The following PTPN4 variants were observed in gnomAD, a reference collection of about 807,000 sequenced individuals.
The protein encoded by PTPN4 is tyrosine-protein phosphatase non-receptor type 4.
A neutral mutation model predicts 135.5 loss-of-function variants in PTPN4; 49 were observed. That is an observed-to-expected ratio of 0.36 (90% CI 0.29 to 0.46). PTPN4 has a LOEUF of 0.46. Ranked by LOEUF, PTPN4 falls within the 20% of genes least tolerant of loss-of-function variation. PTPN4 has a pLI of 1.00. For missense variants in PTPN4, 860 were observed against 1,101.0 expected, an observed-to-expected ratio of 0.78 and a Z score of 3.10; for synonymous variants, 333 against 369.9, an observed-to-expected ratio of 0.90 and a Z score of 1.14.
intron 2 of PTPN4, among the ~76,000 whole-genome samples, chr2:119,825,418 G>C (rs1363001961): frequency 2.6e-5 from 4 of 151,798 alleles, no homozygotes; most frequent in African/African-American, 9.7e-5. Flanking sequence ...TTTACAGATA[G>C]AGGAATCAAA....
At chr2:119,769,442 G>T (rs1690695946) in intron 1 of PTPN4, among the ~76,000 whole-genome samples, 1 of 152,214 alleles carries the variant, frequency 6.6e-6, no homozygotes, top group South Asian at 2.1e-4. Flanking sequence ...AAAAGGGGGA[G>T]TGGGGAGCCA....
chr2:119,933,457 T>C (rs922649940), intron 14 of PTPN4, among the ~76,000 whole-genome samples: 6 of 152,132 alleles, frequency 3.9e-5, no homozygotes, highest in Admixed American at 1.3e-4. Flanking sequence ...AGTGTGTGGA[T>C]TCCTTAAGGT....
intron 15 of PTPN4, among the ~76,000 whole-genome samples, chr2:119,936,718 C>T (rs1315638364): frequency 1.3e-5 from 2 of 152,126 alleles, no homozygotes; most frequent in African/African-American, 4.8e-5. Flanking sequence ...TCTCAAAACA[C>T]CTTTATTCTA....
chr2:119,856,328 T>G (rs1472448482), intron 2 of PTPN4, among the ~76,000 whole-genome samples: 1 of 152,210 alleles, frequency 6.6e-6, no homozygotes. Flanking sequence ...CCTTCCCTAC[T>G]GCTTTTAAAG....
intron 9 of PTPN4, among the ~76,000 whole-genome samples, chr2:119,898,542 A>T (rs774172305): frequency 3.9e-5 from 6 of 152,220 alleles, no homozygotes; most frequent in Non-Finnish European, 5.9e-5. Flanking sequence ...TTCAATGCCT[A>T]CGAGGTACTT....
chr2:119,840,196 G>C (rs568423062), intron 2 of PTPN4, among the ~76,000 whole-genome samples: 47 of 152,266 alleles, frequency 3.1e-4, no homozygotes, highest in African/African-American at 1.1e-3. Flanking sequence ...TTGCTGCACA[G>C]ATCATCCCAT....
chr2:119,875,943 A>G (rs778962286), intron 3 of PTPN4, among the ~76,000 whole-genome samples: 50 of 152,230 alleles, frequency 3.3e-4, no homozygotes, highest in Non-Finnish European at 4.7e-4. Flanking sequence ...GCTGTACGAC[A>G]TACTTTTGGT....
intron 25 of PTPN4, among the ~76,000 whole-genome samples, chr2:119,966,778 A>C (rs184608087): frequency 7.2e-5 from 11 of 152,296 alleles, no homozygotes; most frequent in African/African-American, 2.6e-4. Flanking sequence ...GCTTTAAGTA[A>C]ACAGCAGGCT....
intron 9 of PTPN4, among the ~76,000 whole-genome samples, chr2:119,888,688 G>A (rs572532519): frequency 1.3e-5 from 2 of 152,094 alleles, no homozygotes; most frequent in South Asian, 4.1e-4. Context: ...GTATCTGATT[G>A]TGGTGTATTA....
chr2:119,817,115 C>T (rs921752068), intron 2 of PTPN4, among the ~76,000 whole-genome samples: 4 of 152,232 alleles, frequency 2.6e-5, no homozygotes, highest in South Asian at 2.1e-4. Context: ...TTGTTGTCTT[C>T]GTCATGAAAT....
intron 15 of PTPN4, among the ~76,000 whole-genome samples, chr2:119,936,447 C>A (rs1678985404): frequency 6.6e-6 from 1 of 152,104 alleles, no homozygotes; most frequent in Non-Finnish European, 1.5e-5. Context: ...TCATGGGGGT[C>A]ATTTCTCCCA....
intron 2 of PTPN4, among the ~76,000 whole-genome samples, chr2:119,837,722 A>G (rs1677316554): frequency 6.6e-6 from 1 of 152,252 alleles, no homozygotes; most frequent in African/African-American, 2.4e-5. Context: ...TAAGCTGAAA[A>G]GAAACCCAGA....
At chr2:119,874,620 T>C (rs1206920570) in intron 3 of PTPN4, among the ~76,000 whole-genome samples, 1 of 152,044 alleles carries the variant, frequency 6.6e-6, no homozygotes, top group Non-Finnish European at 1.5e-5. Context: ...CAGGGAAGGG[T>C]ACATTGAGAC....
At chr2:119,814,077 GTTTTA>G (rs1001729432) in intron 2 of PTPN4, among the ~76,000 whole-genome samples, 10 of 151,928 alleles carry the variant, frequency 6.6e-5, no homozygotes, top group African/African-American at 1.5e-4. Context: ...TGATCTATAT[GTTTTA>G]TTTTATAAGT....
At chr2:119,846,857 A>G (rs1677506098) in intron 2 of PTPN4, among the ~76,000 whole-genome samples, 1 of 151,566 alleles carries the variant, frequency 6.6e-6, no homozygotes. Flanking sequence ...AGTGAGATAT[A>G]GAAATGTTAC....
chr2:119,873,462 T>G (rs765697501), intron 3 of PTPN4, among the ~76,000 whole-genome samples: 1 of 152,156 alleles, frequency 6.6e-6, no homozygotes, highest in Non-Finnish European at 1.5e-5. Context: ...AAATTAACTT[T>G]GTCATGTGAA....
intron 2 of PTPN4, among the ~76,000 whole-genome samples, chr2:119,818,368 A>T (rs548108895): frequency 5.2e-5 from 8 of 152,392 alleles, no homozygotes; most frequent in African/African-American, 1.9e-4. Context: ...AATGTAGAGT[A>T]ATGGACAACA....
chr2:119,950,336 A>C (rs781054886), intron 18 of PTPN4, among the ~76,000 whole-genome samples: 2 of 152,332 alleles, frequency 1.3e-5, no homozygotes, highest in Non-Finnish European at 2.9e-5. Context: ...ACTTCACTAC[A>C]TAAGTAGACA....
chr2:119,941,969 CA>C (rs1215599544), intron 15 of PTPN4, among the ~76,000 whole-genome samples: 27 of 152,324 alleles, frequency 1.8e-4, no homozygotes, highest in Admixed American at 7.8e-4. Flanking sequence ...ACTGGTACTG[CA>C]GGCCCATTCT....
Sources: gnomAD v4.1 joint callset for allele counts (sites outside exome capture counted in the v4.1 genomes callset) on GRCh38, gnomAD v4.1.1 for gene constraint, MANE v1.5 for transcripts, NCBI Gene and HGNC (gene_info 2026-07-23, HGNC 2026-07-21) for gene names.